Variants in ABCC3 observed in about 807,000 individuals in gnomAD.
ABCC3 encodes ATP binding cassette subfamily C member 3.
Under a neutral mutation model 165.3 loss-of-function variants are expected in ABCC3, and 121 were observed. The ratio of observed to expected loss-of-function variants is 0.73; its 90% confidence interval spans 0.63 to 0.85. The LOEUF is 0.85. Among genes scored for constraint, ABCC3 ranks in the 40% least tolerant of loss-of-function variants. The pLI is 0.00. For missense variants in ABCC3, 1,869 were observed against 1,964.1 expected (o/e 0.95, Z 0.92); for synonymous variants, 733 against 810.1 (o/e 0.90, Z 1.62).
At position 50,673,074 on chromosome 17, in the gene ABCC3, A is replaced by G. The variant is rs1194898644; in HGVS notation, c.2345A>G (p.Asp782Gly). Reference protein sequence around the residue: ...FLLDDPLSAVDSHVAKHIFDH... With the variant: ...FLLDDPLSAVGSHVAKHIFDH... ...CTGGATGACCCACTGTCCGCGGTGG[A>G]CTCTCATGTGGCCAAGCACATCTTT... Residue 782 changes from aspartate (D) to glycine (G), a missense_variant, in exon 18 of 31, where the codon GAC becomes GGC. Coordinates refer to ENST00000285238, the MANE Select transcript of ABCC3 (RefSeq NM_003786.4). The G allele has an allele frequency of 6.2e-7, 1 of 1,613,984 alleles. No individual in the cohort carries two copies. The highest frequency in any genetic ancestry group is 8.5e-7 in the Non-Finnish European group (1 of 1,180,002).
rs755630531 is a variant in ABCC3, at chr17:50,657,052, G to A, written c.355G>A (p.Ala119Thr). The change falls in exon 4 of 31, where the codon GCC becomes ACC. Residue 119 changes from alanine (A) to threonine (T), a missense_variant. Ala to Thr is a moderately conservative substitution (Grantham distance 58). Transcript: ENST00000285238. ...CCCTGCCCTCCCTGCACAGCTGCTG[G>A]CCACCCTGCTGATACAGTATGAGCG... ...PLVVGVTMLLATLLIQYERLQ... is the reference protein window; with the variant it reads ...PLVVGVTMLLTTLLIQYERLQ... 6 of 1,613,322 alleles carry A rather than the reference G, an allele frequency of 3.7e-6. No homozygotes were observed. Among genetic ancestry groups the A allele is most frequent in the Admixed American group, 3.3e-5 (2 of 59,860 alleles).
intron 23 of ABCC3, 33 bp from the exon 24 acceptor site, chr17:50,677,711 G>A: frequency 6.2e-7 from 1 of 1,602,850 alleles, no homozygotes; most frequent in South Asian, 1.1e-5. Context: ...GGGTTCCATG[G>A]CCCTGACCCC....
At chr17:50,648,831 C>T (rs1967054748) in intron 1 of ABCC3, among the ~76,000 whole-genome samples, 1 of 152,140 alleles carries the variant, frequency 6.6e-6, no homozygotes, top group African/African-American at 2.4e-5. Context: ...AGAATCACCA[C>T]AGGTCGGGTG....
chr17:50,679,685 C>A, intron 25 of ABCC3, 113 bp from the exon 26 acceptor site: 1 of 1,009,722 alleles, frequency 9.9e-7, no homozygotes, highest in Non-Finnish European at 1.5e-6. Flanking sequence ...CTGGGTCATC[C>A]ATGGGCTAGG....
Position 50,669,176 on chromosome 17 carries a change from C to T in ABCC3, c.1974C>T (p.Ala658=), listed in dbSNP as rs376150372. The part of the protein sequence containing the change: ...DIQVPKGALV[A]VVGPVGCGKS... ...AGGTCCCGAAAGGGGCACTGGTGGC[C>T]GTGGTGGGGCCTGTGGGCTGTGGGA... Residue 658 remains alanine (A), a synonymous_variant, in exon 16 of 31, where the codon GCC becomes GCT. Coordinates refer to ENST00000285238, the MANE Select transcript of ABCC3 (RefSeq NM_003786.4). 44 of 1,603,732 alleles carry T rather than the reference C, an allele frequency of 2.7e-5. No homozygotes were observed. Among genetic ancestry groups the T allele is most frequent in the South Asian group, 2.7e-4 (24 of 89,940 alleles).
intron 11 of ABCC3, among the ~76,000 whole-genome samples, chr17:50,666,165 C>A (rs2146618256): frequency 6.6e-6 from 1 of 152,222 alleles, no homozygotes; most frequent in African/African-American, 2.4e-5. Context: ...CTTCCCTTAC[C>A]TCTCGGCATT....
intron 1 of ABCC3, among the ~76,000 whole-genome samples, chr17:50,637,168 C>T (rs796070974): frequency 6.6e-6 from 1 of 152,154 alleles, no homozygotes; most frequent in African/African-American, 2.4e-5. Flanking sequence ...TGACCACCCC[C>T]CTTCCCACCC....
At chr17:50,683,873 G>A (rs997611460) in intron 27 of ABCC3, 76 bp from the exon 28 acceptor site, 41 of 1,562,932 alleles carry the variant, frequency 2.6e-5, no homozygotes, top group Non-Finnish European at 3.3e-5. Context: ...TGTTTGTTCG[G>A]CCTCCAGGAG....
chr17:50,669,358 G>C lies in ABCC3; in HGVS notation c.2071G>C (p.Val691Leu). ...AAATTTCTCCTGTGGCCAGGGCTCCGTGGCCTATGTGCCCCAGCAGGCATG... is the reference window on the plus strand; with the variant it reads ...AAATTTCTCCTGTGGCCAGGGCTCCCTGGCCTATGTGCCCCAGCAGGCATG... ...LEGKVHMKGS[V>L]AYVPQQAWIQ... Residue 691 changes from valine to leucine, a missense_variant, in exon 17 of 31, where the codon GTG (valine) becomes CTG (leucine). Physicochemically the swap from Val to Leu is conservative, Grantham distance 32. Coordinates refer to ENST00000285238, the MANE Select transcript of ABCC3 (RefSeq NM_003786.4). 6.2e-7 allele frequency: 1 copy of C among 1,614,230 alleles called. No individual in the cohort carries two copies. Among genetic ancestry groups the C allele is most frequent in the South Asian group, 1.1e-5 (1 of 91,088 alleles).
At chr17:50,678,698 A>G (rs1248382879) in intron 25 of ABCC3, among the ~76,000 whole-genome samples, 1 of 152,182 alleles carries the variant, frequency 6.6e-6, no homozygotes, top group Non-Finnish European at 1.5e-5. Context: ...AGGTGGGCGG[A>G]TCACCTGAGG....
At chr17:50,657,268 G>C (rs2146606517) in intron 4 of ABCC3, 85 bp downstream of exon 4, 2 of 1,523,888 alleles carry the variant, frequency 1.3e-6, no homozygotes, top group Non-Finnish European at 1.8e-6. Context: ...CTGGGTCCCA[G>C]GTCCCTCCCT....
At chr17:50,661,142 C>T in intron 8 of ABCC3, 28 bp downstream of exon 8, 1 of 1,573,170 alleles carries the variant, frequency 6.4e-7, no homozygotes, top group South Asian at 1.1e-5. Flanking sequence ...CTCACTATAG[C>T]CCTGCCCTGG....
At chr17:50,662,515 A>G (rs1252146178) in intron 8 of ABCC3, among the ~76,000 whole-genome samples, 1 of 152,008 alleles carries the variant, frequency 6.6e-6, no homozygotes, top group African/African-American at 2.4e-5. Flanking sequence ...GCATACGCCT[A>G]GAGTCCTAGC....
intron 30 of ABCC3, 28 bp from the exon 31 acceptor site, chr17:50,691,064 C>A (rs773769949): frequency 2.5e-6 from 4 of 1,580,908 alleles, no homozygotes; most frequent in Non-Finnish European, 3.5e-6. Flanking sequence ...CTGATGGAAA[C>A]CTGACCACTT....
chr17:50,668,630 A>G (rs1245516274), intron 14 of ABCC3, 113 bp downstream of exon 14: 2 of 912,602 alleles, frequency 2.2e-6, no homozygotes, highest in African/African-American at 1.7e-5. Flanking sequence ...CTCTGTTCAC[A>G]TCTGCTTCGA....
chr17:50,678,062 C>T, intron 24 of ABCC3, 31 bp from the exon 25 acceptor site: 1 of 1,613,362 alleles, frequency 6.2e-7, no homozygotes, highest in African/African-American at 1.3e-5. Context: ...CCTGCCCCTG[C>T]CCCATTTCCT....
At chr17:50,673,971 T>TCCTTC (rs1567835528) in intron 19 of ABCC3, among the ~76,000 whole-genome samples, 4 of 14,672 alleles carry the variant, frequency 2.7e-4, no homozygotes, top group African/African-American at 2.9e-4. Flanking sequence ...TTTCTTTCTT[T>TCCTTC]CTTTCTTTCT....
At chr17:50,663,587 G>T in intron 8 of ABCC3, 94 bp from the exon 9 acceptor site, 4 of 1,436,226 alleles carry the variant, frequency 2.8e-6, no homozygotes, top group Non-Finnish European at 3.8e-6. Context: ...GGCCAGGGGT[G>T]CAGTGGAGAC....
intron 17 of ABCC3, among the ~76,000 whole-genome samples, chr17:50,671,032 T>C (rs1247358457): frequency 6.6e-6 from 1 of 152,000 alleles, no homozygotes; most frequent in Non-Finnish European, 1.5e-5. Context: ...GGCAGGTGTA[T>C]CATTTGAGGT....
Sources: gnomAD v4.1 joint callset for allele counts (sites outside exome capture counted in the v4.1 genomes callset) on GRCh38, gnomAD v4.1.1 for gene constraint, MANE v1.5 for transcripts, NCBI Gene and HGNC (gene_info 2026-07-23, HGNC 2026-07-21) for gene names.